Variants in KLC1 observed in about 807,000 individuals in gnomAD.
The protein encoded by KLC1 is kinesin light chain 1, also known as kinesin 2 60/70kDa.
Under a neutral mutation model 84.2 loss-of-function variants are expected in KLC1, and 30 were observed. The observed-to-expected ratio is 0.36, with a 90% CI of 0.27 to 0.48. KLC1 has a LOEUF of 0.48. Ranked by LOEUF, KLC1 falls within the 20% of genes least tolerant of loss-of-function variation. The pLI is 0.99. For missense variants in KLC1, 499 were observed against 805.4 expected (o/e 0.62, Z 4.60); for synonymous variants, 289 against 293.3 (o/e 0.99, Z 0.15).
chr14:103,679,581 G>C, intron 13 of KLC1, 36 bp downstream of exon 13: 1 of 1,556,546 alleles, frequency 6.4e-7, no homozygotes, highest in Non-Finnish European at 8.8e-7. Flanking sequence ...TGCTCCGGGA[G>C]GCGCCCCCAA....
chr14:103,646,827 G>A (rs2077978554), intron 1 of KLC1, among the ~76,000 whole-genome samples: 1 of 152,080 alleles, frequency 6.6e-6, no homozygotes, highest in South Asian at 2.1e-4. Context: ...GCCTAGGCTG[G>A]TCTTGAATTC....
intron 15 of KLC1, chr14:103,697,023 T>C (rs2082586908): frequency 1.0e-6 from 1 of 985,312 alleles, no homozygotes; most frequent in Non-Finnish European, 1.2e-6. Context: ...TCCAGGCGTG[T>C]TTTCTCTGTT....
intron 15 of KLC1, chr14:103,697,776 C>T (rs923424827): frequency 1.3e-5 from 2 of 152,436 alleles, no homozygotes; most frequent in Admixed American, 1.3e-4. Flanking sequence ...GTGGATATTT[C>T]AGCCTGTGCA....
chr14:103,672,529 G>A (rs999163845), intron 7 of KLC1, among the ~76,000 whole-genome samples: 6 of 152,160 alleles, frequency 3.9e-5, no homozygotes, highest in Non-Finnish European at 8.8e-5. Context: ...AGGTGGGGTG[G>A]TATAGGGAAG....
chr14:103,636,125 T>C (rs1011213535), intron 1 of KLC1, among the ~76,000 whole-genome samples: 2 of 152,178 alleles, frequency 1.3e-5, no homozygotes, highest in East Asian at 1.9e-4. Context: ...GCGCTGAGAC[T>C]GTAGCCCCCA....
At position 103,691,155 on chromosome 14, in the gene KLC1, C is replaced by CTTT. The variant is rs11384297; in HGVS notation, c.1782-1187_1782-1185dup. Among the ~76,000 whole-genome samples, 42 of 129,446 alleles carry CTTT rather than the reference C, an allele frequency of 3.2e-4. 2 individuals carry two copies. The highest frequency in any genetic ancestry group is 4.1e-3 in the Middle Eastern group (1 of 242). 84.9% of individuals were successfully genotyped at this position (129,446 alleles called of 152,430 possible). A position where few individuals can be genotyped will look rare whatever the true frequency, so the allele number is the denominator to read the frequency against. On this transcript the variant is annotated intron_variant, in intron 14 of 16. Transcript: ENST00000334553. ...CTCTGCTCCCAGATGGTTCCCCCCA[C>CTTT]TTTTTTTTTTTTTTTTTTTCTGAGA...
chr14:103,644,214 CAA>C (rs376316737), intron 1 of KLC1, among the ~76,000 whole-genome samples: 8 of 59,072 alleles, frequency 1.4e-4, no homozygotes, highest in Admixed American at 2.0e-4. Context: ...GACTCTGTCT[CAA>C]AAAAAAAAAA....
At chr14:103,638,217 C>G (rs2077193937) in intron 1 of KLC1, among the ~76,000 whole-genome samples, 1 of 152,116 alleles carries the variant, frequency 6.6e-6, no homozygotes, top group Non-Finnish European at 1.5e-5. Flanking sequence ...CTGTTTTCTT[C>G]CCTCCATCCC....
At chr14:103,666,284 T>C (rs140891603) in intron 5 of KLC1, among the ~76,000 whole-genome samples, 2,384 of 152,120 alleles carry the variant, frequency 0.016, 56 homozygotes, top group African/African-American at 0.05. Context: ...AGGATGGTCT[T>C]GATCTCCTGA....
At chr14:103,698,904 G>T (rs1360602468) in intron 15 of KLC1, 17 of 1,602,020 alleles carry the variant, frequency 1.1e-5, no homozygotes, top group Non-Finnish European at 1.2e-5. Context: ...CAGGGTCCGG[G>T]CTGGGCAGCC....
chr14:103,633,706 C>T (rs919944041), intron 1 of KLC1, among the ~76,000 whole-genome samples: 3 of 152,120 alleles, frequency 2.0e-5, no homozygotes, highest in African/African-American at 7.2e-5. Context: ...TCTTCCTGCT[C>T]TGGCCCTACT....
Position 103,638,346 on chromosome 14 carries a change from T to C in KLC1, c.-2+8852T>C, listed in dbSNP as rs559714026. ...CCTTCATTCTGTGCACCCAGACCTATTGCTTTTTCTACCACATTCTTTTTC... is the reference window on the plus strand; with the variant it reads ...CCTTCATTCTGTGCACCCAGACCTACTGCTTTTTCTACCACATTCTTTTTC... On this transcript the variant is annotated intron_variant, in intron 1 of 16. Coordinates refer to ENST00000334553, the MANE Select transcript of KLC1 (RefSeq NM_001394837.1). Among the ~76,000 whole-genome samples the C allele has an allele frequency of 1.1e-4, 16 of 152,290 alleles. No individual in the cohort carries two copies. In the South Asian group the frequency reaches 3.3e-3, roughly 32 times the overall value.
At chr14:103,649,229 C>T (rs2078194307) in intron 1 of KLC1, among the ~76,000 whole-genome samples, 1 of 150,892 alleles carries the variant, frequency 6.6e-6, no homozygotes, top group African/African-American at 2.4e-5. Flanking sequence ...TCTAGGAGTG[C>T]AAGTCCAGCC....
chr14:103,692,650 TATTA>T (rs1050537279), intron 15 of KLC1, among the ~76,000 whole-genome samples: 18 of 152,376 alleles, frequency 1.2e-4, no homozygotes, highest in African/African-American at 3.1e-4. Flanking sequence ...ATTCTCAGAA[TATTA>T]ATTAATGATC....
At chr14:103,668,656 T>C (rs981045915) in intron 5 of KLC1, among the ~76,000 whole-genome samples, 2 of 151,882 alleles carry the variant, frequency 1.3e-5, no homozygotes, top group African/African-American at 4.8e-5. Flanking sequence ...TTTTTTTGTA[T>C]TTTTAGTAGA....
At chr14:103,679,202 C>CT (rs747577507) in intron 12 of KLC1, 182 bp from the exon 13 acceptor site, 10 of 713,120 alleles carry the variant, frequency 1.4e-5, no homozygotes, top group Non-Finnish European at 2.3e-5. Context: ...CTGAGGGGTC[C>CT]TTTGTGTTTC....
chr14:103,644,956 CCTTTT>C (rs1460534334), intron 1 of KLC1, among the ~76,000 whole-genome samples: 2 of 151,322 alleles, frequency 1.3e-5, no homozygotes, highest in Admixed American at 6.6e-5. Context: ...CTGTTCTTTT[CCTTTT>C]CTTTTCTTTC....
At chr14:103,684,770 A>T (rs145712883) in intron 13 of KLC1, 7 of 557,140 alleles carry the variant, frequency 1.3e-5, no homozygotes, top group Non-Finnish European at 2.3e-5. Context: ...GAGTGAAATG[A>T]ATCTTCTGTG....
chr14:103,679,249 CCACTCTT>C (rs1226141989), intron 12 of KLC1, 128 bp from the exon 13 acceptor site: 24 of 1,192,014 alleles, frequency 2.0e-5, no homozygotes, highest in Non-Finnish European at 2.7e-5. Context: ...CTCCAAGGAA[CCACTCTT>C]CCAATGTTTT....
Sources: gnomAD v4.1 joint callset for allele counts (sites outside exome capture counted in the v4.1 genomes callset) on GRCh38, gnomAD v4.1.1 for gene constraint, MANE v1.5 for transcripts, NCBI Gene and HGNC (gene_info 2026-07-23, HGNC 2026-07-21) for gene names.